ALS2: variants seen among roughly 807,000 people sequenced by gnomAD.
ALS2 encodes the protein alsin Rho guanine nucleotide exchange factor ALS2.
In ALS2, 117 loss-of-function variants were observed where a neutral mutation model predicts 203.4. The ratio of observed to expected loss-of-function variants is 0.58; its 90% CI spans 0.50 to 0.67. The LOEUF (loss-of-function observed/expected upper bound fraction) is 0.67. ALS2 is among the 30% of genes least tolerant of loss of function. The probability of loss-of-function intolerance (pLI) is 0.00; values close to 1 mark genes in which losing one functional copy is unlikely to be tolerated. For missense variants in ALS2, 1,715 were observed against 1,989.4 expected (o/e 0.86, Z 2.62); for synonymous variants, 718 against 725.9 (o/e 0.99, Z 0.17).
At chr2:201,737,921 C>CAA (rs113250557) in intron 12 of ALS2, among the ~76,000 whole-genome samples, 2 of 132,658 alleles carry the variant, frequency 1.5e-5, no homozygotes, top group South Asian at 2.4e-4. Flanking sequence ...GACCCCGTCT[C>CAA]AAAAAAAAAA....
Position 201,767,214 on chromosome 2 carries a change from C to T in ALS2, c.175+15G>A. ...GCATTGCAGTTCGTATTTGTTACGC[C>T]ATTCTTTTCATTACCTTCAGTCAGA... On this transcript the variant is annotated intron_variant, in intron 3 of 33. Transcript: ENST00000264276. 6.2e-7 allele frequency: 1 copy of T among 1,613,988 alleles called. No homozygotes were observed. The highest frequency in any genetic ancestry group is 8.5e-7 in the Non-Finnish European group (1 of 1,179,936).
intron 9 of ALS2, among the ~76,000 whole-genome samples, chr2:201,744,758 C>T (rs1203913017): frequency 1.3e-5 from 2 of 151,800 alleles, no homozygotes; most frequent in Non-Finnish European, 2.9e-5. Context: ...CCTTTCATTT[C>T]ACATTACAAC....
At chr2:201,710,943 G>T in intron 26 of ALS2, 48 bp downstream of exon 26, 1 of 1,093,086 alleles carries the variant, frequency 9.1e-7, no homozygotes, top group Non-Finnish European at 1.4e-6. Flanking sequence ...TATTGTGGTA[G>T]GTGAATCATT....
intron 15 of ALS2, 147 bp downstream of exon 15, chr2:201,728,365 T>G (rs1574710534): frequency 8.7e-7 from 1 of 1,144,226 alleles, no homozygotes; most frequent in African/African-American, 1.5e-5. Flanking sequence ...TTGTCCTTGC[T>G]ATAGTTTGCT....
At chr2:201,713,139 T>TTTC (rs1690149191) in intron 25 of ALS2, among the ~76,000 whole-genome samples, 19 of 147,414 alleles carry the variant, frequency 1.3e-4, no homozygotes, top group East Asian at 5.9e-4. Context: ...TTTTCTTTTT[T>TTTC]TTTTTTTTTT....
chr2:201,728,349 G>C (rs1012338268), intron 15 of ALS2, among the ~76,000 whole-genome samples, 163 bp downstream of exon 15: 1 of 152,166 alleles, frequency 6.6e-6, no homozygotes. Context: ...TGCAGTGTTT[G>C]GTTTTTTGTC....
At chr2:201,745,099 A>G (rs1405731182) in intron 9 of ALS2, among the ~76,000 whole-genome samples, 1 of 152,270 alleles carries the variant, frequency 6.6e-6, no homozygotes, top group Non-Finnish European at 1.5e-5. Flanking sequence ...CGAGAGCTTC[A>G]TTCCTTTCAT....
intron 25 of ALS2, among the ~76,000 whole-genome samples, chr2:201,712,012 G>C (rs575866048): frequency 1.3e-5 from 2 of 152,210 alleles, no homozygotes; most frequent in East Asian, 3.9e-4. Flanking sequence ...TCTACTGATA[G>C]AGTAGAAGGT....
At chr2:201,727,010 G>A (rs1455818094) in intron 17 of ALS2, 144 bp from the exon 18 acceptor site, 1 of 876,114 alleles carries the variant, frequency 1.1e-6, no homozygotes, top group African/African-American at 1.7e-5. Context: ...ACTGGCTCTT[G>A]TATTTCTCTG....
At chr2:201,707,138 A>T in intron 28 of ALS2, 116 bp from the exon 29 acceptor site, 1 of 890,056 alleles carries the variant, frequency 1.1e-6, no homozygotes. Flanking sequence ...AGTTTTAAAG[A>T]AGTTATAATA....
chr2:201,710,981 T>A lies in ALS2; in HGVS notation c.4122+10A>T. 10 of 1,504,924 alleles carry A rather than the reference T, an allele frequency of 6.6e-6. No homozygotes were observed. The highest frequency in any genetic ancestry group is 9.3e-6 in the Non-Finnish European group (10 of 1,080,914). 93.2% of individuals were successfully genotyped at this position (1,504,924 alleles called of 1,614,324 possible). On this transcript the variant is annotated intron_variant, in intron 26 of 33. Transcript: ENST00000264276. The stretch of plus-strand genomic sequence containing the variant: ...TTCACAAGACCAATGTAATTTTTAC[T>A]CTAGTTTACCTTTATTAAATATTTC...
rs186433093 is a variant in ALS2, at chr2:201,746,010, G to C, written c.1998+556C>G. Among the ~76,000 whole-genome samples the C allele has an allele frequency of 3.6e-4, 55 of 152,230 alleles. 1 individual carries two copies. The highest frequency in any genetic ancestry group is 1.1e-3 in the Admixed American group (17 of 15,282). On this transcript the variant is annotated intron_variant, in intron 9 of 33. Transcript: ENST00000264276. ...TGGAGAAGTGAAGCAGGGAAAAACA[G>C]AACACTGTTGGTTGTCTGTTGGGTC...
At position 201,728,577 on chromosome 2, in the gene ALS2, G is replaced by C. The variant is rs748726951; in HGVS notation, c.2776C>G (p.Gln926Glu). ...TTCACGGAAAACCTCCCAGCATGCT[G>C]CAGAGACAGGGCTCGGTTACTACTC... is the stretch of plus-strand genomic sequence containing the variant. Reference protein sequence around the residue: ...CESSNRALSLQHAGRFSVNWF... With the variant: ...CESSNRALSLEHAGRFSVNWF... Residue 926 changes from glutamine to glutamate, a missense_variant, in exon 15 of 34, where the codon CAG (glutamine) becomes GAG (glutamate). Coordinates refer to ENST00000264276, the MANE Select transcript of ALS2 (RefSeq NM_020919.4). The C allele has an allele frequency of 6.2e-7, 1 of 1,614,092 alleles. No homozygotes were observed. The highest frequency in any genetic ancestry group is 8.5e-7 in the Non-Finnish European group (1 of 1,179,990).
chr2:201,770,117 A>C (rs1694310197), intron 1 of ALS2, among the ~76,000 whole-genome samples: 2 of 152,240 alleles, frequency 1.3e-5, no homozygotes, highest in Non-Finnish European at 2.9e-5. Flanking sequence ...TGCACAGTTC[A>C]TGGTGTACAG....
chr2:201,709,363 T>C (rs1017321970), intron 27 of ALS2, among the ~76,000 whole-genome samples: 2 of 152,206 alleles, frequency 1.3e-5, no homozygotes, highest in Non-Finnish European at 2.9e-5. Context: ...CCCATTAGAA[T>C]GTAAGCTCCA....
chr2:201,724,010 T>C (rs1170035746), intron 21 of ALS2, among the ~76,000 whole-genome samples: 4 of 152,016 alleles, frequency 2.6e-5, no homozygotes, highest in African/African-American at 9.7e-5. Context: ...CCCAGCTACT[T>C]GGTAGACTGA....
At position 201,762,182 on chromosome 2, in the gene ALS2, GATAAA is replaced by G. The variant is rs551651450; in HGVS notation, c.176-369_176-365del. ...AAGGCAAAATAAATAACCATGTTAAGATAAAATAAGCAAAAAATAAGACAAAACAG... is the reference window on the plus strand; with the variant it reads ...AAGGCAAAATAAATAACCATGTTAAGATAAGCAAAAAATAAGACAAAACAG... On this transcript the variant is annotated intron_variant, in intron 3 of 33. Coordinates refer to ENST00000264276, the MANE Select transcript of ALS2 (RefSeq NM_020919.4). Among the ~76,000 whole-genome samples, 629 of 152,228 alleles carry G rather than the reference GATAAA, an allele frequency of 4.1e-3. 3 individuals carry two copies. Among genetic ancestry groups the G allele is most frequent in the Non-Finnish European group, 6.6e-3 (450 of 67,980 alleles).
Position 201,725,260 on chromosome 2 carries a change from A to C in ALS2, c.3347+96T>G, listed in dbSNP as rs933205721. The C allele has an allele frequency of 1.5e-5, 15 of 988,556 alleles. 1 individual carries two copies. The South Asian group carries it at 1.8e-4, about 12-fold the overall frequency. 61.2% of individuals were successfully genotyped at this position (988,556 alleles called of 1,614,324 possible). ...CTAAATTTTATCTATAAGACTAAAC[A>C]AAACTTAAAACTTGGAAATTTTGGC... On this transcript the variant is annotated intron_variant, in intron 20 of 33. Coordinates refer to ENST00000264276, the MANE Select transcript of ALS2 (RefSeq NM_020919.4).
chr2:201,743,840 A>G (rs1692454979), intron 10 of ALS2, among the ~76,000 whole-genome samples: 1 of 152,154 alleles, frequency 6.6e-6, no homozygotes, highest in Non-Finnish European at 1.5e-5. Flanking sequence ...AATCCAAATA[A>G]ATCTCTACTT....
Sources: gnomAD v4.1 joint callset for allele counts (sites outside exome capture counted in the v4.1 genomes callset) on GRCh38, gnomAD v4.1.1 for gene constraint, MANE v1.5 for transcripts, NCBI Gene and HGNC (gene_info 2026-07-23, HGNC 2026-07-21) for gene names.